Variants in FAM83B observed in about 807,000 individuals in gnomAD.
FAM83B encodes protein FAM83B.
FAM83B carries 26 observed loss-of-function variants against 38.8 expected under a neutral mutation model. The observed-to-expected ratio is 0.67, with a 90% CI of 0.49 to 0.93. The LOEUF (loss-of-function observed/expected upper bound fraction) is 0.93, where lower values mean the gene tolerates loss of function less well. Among genes scored for constraint, FAM83B ranks in the 40% least tolerant of loss-of-function variants. The probability of loss-of-function intolerance (pLI) is 0.00; values close to 1 mark genes in which losing one functional copy is unlikely to be tolerated. For missense variants in FAM83B, 1,237 were observed against 1,197.3 expected (o/e 1.03, Z -0.49); for synonymous variants, 419 against 423.1 (o/e 0.99, Z 0.12).
rs1355176063 is a variant in FAM83B, at chr6:54,940,792, G to A, written c.1821G>A (p.Glu607=). 1 of 1,613,910 alleles carries A rather than the reference G, an allele frequency of 6.2e-7. No individual in the cohort carries two copies. The highest frequency in any genetic ancestry group is 1.3e-5 in the African/African-American group (1 of 74,976). The change falls in exon 5 of 5, where the codon GAG becomes GAA. Residue 607 remains glutamate (E), a synonymous_variant. Coordinates refer to ENST00000306858, the MANE Select transcript of FAM83B (RefSeq NM_001010872.3). ...ESIPKLPLQS[E]APKMHTLQVP... ...TCCCCAAGCTCCCATTGCAGTCAGA[G>A]GCACCAAAAATGCACACCTTGCAGG...
intron 2 of FAM83B, among the ~76,000 whole-genome samples, chr6:54,916,417 C>G (rs1370249084): frequency 1.3e-5 from 2 of 152,080 alleles, no homozygotes; most frequent in African/African-American, 4.8e-5. Context: ...AATCTAGATT[C>G]TGAACCTTAC....
chr6:54,933,448 T>C (rs892668841), intron 4 of FAM83B, among the ~76,000 whole-genome samples: 1 of 152,126 alleles, frequency 6.6e-6, no homozygotes, highest in African/African-American at 2.4e-5. Flanking sequence ...ATAGCAGTTA[T>C]TTTAAATATT....
intron 2 of FAM83B, among the ~76,000 whole-genome samples, chr6:54,894,393 G>C (rs1016758750): frequency 6.6e-6 from 1 of 152,156 alleles, no homozygotes; most frequent in African/African-American, 2.4e-5. Flanking sequence ...ATTTTGTTTA[G>C]GATGATAGTC....
At chr6:54,900,575 A>T (rs531694610) in intron 2 of FAM83B, among the ~76,000 whole-genome samples, 107 of 152,296 alleles carry the variant, frequency 7.0e-4, no homozygotes, top group African/African-American at 2.5e-3. Flanking sequence ...GTTGCCATAG[A>T]TTCTGTCTTT....
At chr6:54,855,749 G>A (rs1164452425) in intron 1 of FAM83B, among the ~76,000 whole-genome samples, 1 of 152,114 alleles carries the variant, frequency 6.6e-6, no homozygotes, top group Non-Finnish European at 1.5e-5. Context: ...TCCAAAATAC[G>A]ATTCACCAAA....
intron 2 of FAM83B, among the ~76,000 whole-genome samples, chr6:54,899,451 T>A (rs1157656816): frequency 6.6e-6 from 1 of 152,206 alleles, no homozygotes; most frequent in East Asian, 1.9e-4. Flanking sequence ...CTCTTCAACT[T>A]GTTTTTGTCA....
chr6:54,873,207 T>C lies in FAM83B; in HGVS notation c.444+2517T>C, dbSNP rs139747921. 3.4e-3 allele frequency among the ~76,000 whole-genome samples: 515 copies of C among 152,162 alleles called. 1 individual carries two copies. Among genetic ancestry groups the C allele is most frequent in the Non-Finnish European group, 5.9e-3 (404 of 67,988 alleles). ...GGGACTGTGCTAGTTTCTACCCAGA[T>C]GCAATAAATATTGAAGTCAAATTGG... On this transcript the variant is annotated intron_variant, in intron 2 of 4. Transcript: ENST00000306858.
At chr6:54,918,948 T>C (rs996826794) in intron 2 of FAM83B, among the ~76,000 whole-genome samples, 15 of 152,106 alleles carry the variant, frequency 9.9e-5, no homozygotes, top group African/African-American at 3.4e-4. Context: ...TATTCTAACA[T>C]AGGAGAGGCT....
In FAM83B at chr6:54,941,237, G is replaced by T. The variant is rs1198487134; in HGVS notation, c.2266G>T (p.Ala756Ser). The change falls in exon 5 of 5, where the codon GCT (alanine) becomes TCT (serine). Residue 756 changes from alanine (A) to serine (S), a missense_variant. Ala to Ser is a moderately conservative substitution (Grantham distance 99, BLOSUM62 1). Coordinates refer to ENST00000306858, the MANE Select transcript of FAM83B (RefSeq NM_001010872.3). ...VNKEESNKEL[A>S]SKKEVKGSPS... ...TAAAGAGGAATCTAACAAAGAACTT[G>T]CTTCAAAGAAGGAAGTTAAGGGTTC... 2 of 1,613,328 alleles carry T rather than the reference G, an allele frequency of 1.2e-6. No homozygotes were observed. Among genetic ancestry groups the T allele is most frequent in the Non-Finnish European group, 1.7e-6 (2 of 1,179,796 alleles).
chr6:54,894,407 T>C (rs1772470940), intron 2 of FAM83B, among the ~76,000 whole-genome samples: 1 of 152,156 alleles, frequency 6.6e-6, no homozygotes, highest in Admixed American at 6.5e-5. Flanking sequence ...GATAGTCTCA[T>C]AGGTAAATTG....
intron 4 of FAM83B, among the ~76,000 whole-genome samples, chr6:54,933,391 TG>T (rs369542059): frequency 1.7e-4 from 26 of 152,208 alleles, no homozygotes; most frequent in Admixed American, 4.6e-4. Flanking sequence ...GTGTTGTTGA[TG>T]TTTTTTTTGT....
At chr6:54,913,589 GA>G (rs1435045559) in intron 2 of FAM83B, among the ~76,000 whole-genome samples, 1 of 150,090 alleles carries the variant, frequency 6.7e-6, no homozygotes. Flanking sequence ...GGGAGAATGA[GA>G]ACAAAAATAA....
rs3996949 is a variant in FAM83B, at chr6:54,876,278, C to CATATAT, written c.444+5625_444+5630dup. On this transcript the variant is annotated intron_variant, in intron 2 of 4. Coordinates refer to ENST00000306858, the MANE Select transcript of FAM83B (RefSeq NM_001010872.3). ...TTAAAATGCAAGTTATTTAGGAGTG[C>CATATAT]ATATATATATATATATATATATATA... Among the ~76,000 whole-genome samples the CATATAT allele has an allele frequency of 1.1e-3, 102 of 96,160 alleles. 1 individual carries two copies. The highest frequency in any genetic ancestry group is 1.8e-3 in the African/African-American group (41 of 22,624). 63.1% of individuals were successfully genotyped at this position (96,160 alleles called of 152,430 possible). A position where few individuals can be genotyped will look rare whatever the true frequency, so the allele number is the denominator to read the frequency against.
intron 1 of FAM83B, among the ~76,000 whole-genome samples, chr6:54,856,611 C>T (rs1771452431): frequency 6.6e-6 from 1 of 151,990 alleles, no homozygotes; most frequent in South Asian, 2.1e-4. Context: ...TATTAACTTC[C>T]CTGTGTGCAA....
chr6:54,871,634 T>G (rs2127575545), intron 2 of FAM83B, among the ~76,000 whole-genome samples: 1 of 145,940 alleles, frequency 6.9e-6, no homozygotes, highest in Non-Finnish European at 1.5e-5. Flanking sequence ...TCCCAGCTAG[T>G]CAGGAGGCTA....
rs948902729 is a variant in FAM83B, at chr6:54,913,903, T to TA, written c.445-12460dup. Among the ~76,000 whole-genome samples the TA allele has an allele frequency of 5.1e-3, 776 of 151,542 alleles. 9 individuals carry two copies. Among genetic ancestry groups the TA allele is most frequent in the African/African-American group, 0.017 (701 of 41,384 alleles). ...TTTCAATGTGATTGTCTTTTTTTTT[T>TA]AAAAAAAAGCTTTTGAAAACATACC... On this transcript the variant is annotated intron_variant, in intron 2 of 4. Transcript: ENST00000306858.
chr6:54,888,578 C>T (rs540346631), intron 2 of FAM83B, among the ~76,000 whole-genome samples: 7 of 151,982 alleles, frequency 4.6e-5, no homozygotes, highest in African/African-American at 1.7e-4. Flanking sequence ...GTTATTTTAT[C>T]TTTAGGCCTT....
At chr6:54,886,801 A>G (rs1218786448) in intron 2 of FAM83B, among the ~76,000 whole-genome samples, 1 of 151,782 alleles carries the variant, frequency 6.6e-6, no homozygotes, top group Admixed American at 6.6e-5. Context: ...TACTTGAACT[A>G]TTAATTTTCA....
chr6:54,890,075 T>C (rs938605696), intron 2 of FAM83B, among the ~76,000 whole-genome samples: 1 of 152,108 alleles, frequency 6.6e-6, no homozygotes, highest in Non-Finnish European at 1.5e-5. Context: ...ACAAGAATTT[T>C]ATTGCATCAT....
Sources: allele counts gnomAD v4.1 joint callset (sites outside exome capture counted in the v4.1 genomes callset), GRCh38; gene constraint gnomAD v4.1.1; transcripts MANE v1.5; gene names NCBI Gene and HGNC (gene_info 2026-07-23, HGNC 2026-07-21).